ALMS1: variants seen among roughly 807,000 people sequenced by gnomAD.
ALMS1 encodes centrosome-associated protein ALMS1.
In ALMS1, 271 loss-of-function variants were observed where a neutral mutation model predicts 352.2. That is an observed-to-expected ratio of 0.77 (90% CI 0.70 to 0.85). The LOEUF (loss-of-function observed/expected upper bound fraction) is 0.85. Among genes scored for constraint, ALMS1 ranks in the 40% least tolerant of loss-of-function variants. ALMS1 has a pLI of 0.00. For synonymous variants in ALMS1, 1,865 were observed against 1,761.2 expected, an observed-to-expected ratio of 1.06 and a Z score of -1.48; for missense variants, 5,445 against 4,870.7, an observed-to-expected ratio of 1.12 and a Z score of -3.51.
Position 73,450,894 on chromosome 2 carries a change from C to T in ALMS1, c.4367C>T (p.Ser1456Leu), listed in dbSNP as rs1395655276. Residue 1456 changes from serine to leucine, a missense_variant, in exon 8 of 23, where the codon TCA becomes TTA. Ser to Leu is a moderately radical substitution (Grantham distance 145). Transcript: ENST00000613296. Reference sequence around the variant, plus strand: ...CTACCTGAAGAGGCTTTGGAAGTTTCAGTTGCTCCTGGACCAGTTGACCAG... The same window carrying T: ...CTACCTGAAGAGGCTTTGGAAGTTTTAGTTGCTCCTGGACCAGTTGACCAG... ...SHLPEEALEV[S>L]VAPGPVDQTI... is the part of the protein sequence containing the mutation. 6.2e-7 allele frequency: 1 copy of T among 1,614,088 alleles called. No individual in the cohort carries two copies. The highest frequency in any genetic ancestry group is 2.2e-5 in the East Asian group (1 of 44,886).
chr2:73,423,072 C>T lies in ALMS1; in HGVS notation c.764+98C>T, dbSNP rs1671315158. On this transcript the variant is annotated intron_variant, in intron 4 of 22. Transcript: ENST00000613296. ...GCTAAGGTGGGACTTTGAGGTGGGG[C>T]TTAGATACTCTTAGGACACGCCCTG... is the stretch of plus-strand genomic sequence containing the variant. 5 of 1,011,260 alleles carry T rather than the reference C, an allele frequency of 4.9e-6. No individual in the cohort carries two copies. In the South Asian group the frequency reaches 6.4e-5, roughly 13 times the overall value. The allele number at this position is 1,011,260 out of a possible 1,614,324, so 62.6% of individuals were successfully genotyped here.
At chr2:73,494,712 A>T (rs1187479211) in intron 10 of ALMS1, among the ~76,000 whole-genome samples, 1 of 152,234 alleles carries the variant, frequency 6.6e-6, no homozygotes, top group Non-Finnish European at 1.5e-5. Flanking sequence ...GTCACAACAG[A>T]GAGCACATTA....
At chr2:73,538,381 T>G (rs1385072682) in intron 12 of ALMS1, among the ~76,000 whole-genome samples, 1 of 152,160 alleles carries the variant, frequency 6.6e-6, no homozygotes, top group East Asian at 1.9e-4. Context: ...TTACAATCAC[T>G]GTTATTTTAA....
intron 2 of ALMS1, among the ~76,000 whole-genome samples, chr2:73,410,639 A>G (rs1326461540): frequency 6.6e-6 from 1 of 152,204 alleles, no homozygotes; most frequent in African/African-American, 2.4e-5. Flanking sequence ...AGTTAGGGAA[A>G]GGAGGCTGTC....
chr2:73,594,255 T>TCAGA (rs200612940), intron 16 of ALMS1, among the ~76,000 whole-genome samples: 47,012 of 152,022 alleles, frequency 0.31, 9,068 homozygotes, highest in African/African-American at 0.55. Context: ...TGTCTTTGAT[T>TCAGA]GTCATCTTCC....
chr2:73,575,761 C>T (rs537719030), intron 16 of ALMS1, among the ~76,000 whole-genome samples: 2 of 152,148 alleles, frequency 1.3e-5, no homozygotes, highest in South Asian at 2.1e-4. Flanking sequence ...TATTTTCTCC[C>T]ATTTTGTAGG....
intron 7 of ALMS1, among the ~76,000 whole-genome samples, chr2:73,444,576 G>A (rs1671772664): frequency 6.6e-6 from 1 of 152,200 alleles, no homozygotes; most frequent in South Asian, 2.1e-4. Context: ...GTTAGCTCGT[G>A]TATGTGATTT....
intron 15 of ALMS1, among the ~76,000 whole-genome samples, chr2:73,563,722 C>CAAAAAAAAAAAAAAA (rs1170434973): frequency 1.9e-5 from 1 of 52,228 alleles, no homozygotes; most frequent in African/African-American, 1.5e-4. Flanking sequence ...GACTCCATCT[C>CAAAAAAAAAAAAAAA]AAAAAAAAAA....
Position 73,453,979 on chromosome 2 carries a change from A to G in ALMS1, c.7452A>G (p.Lys2484=), listed in dbSNP as rs1286157205. 2.5e-6 allele frequency: 4 copies of G among 1,613,698 alleles called. No individual in the cohort carries two copies. The highest frequency in any genetic ancestry group is 1.7e-5 in the Admixed American group (1 of 59,946). The change falls in exon 8 of 23, where the codon AAA becomes AAG. Residue 2484 remains lysine, a synonymous_variant. Coordinates refer to ENST00000613296, the MANE Select transcript of ALMS1 (RefSeq NM_001378454.1). Reference sequence around the variant, plus strand: ...TAGATTCACTGGCTGCACATGTGAAAAACCTTCTGCAATGTGAATCCTCAC... The same window carrying G: ...TAGATTCACTGGCTGCACATGTGAAGAACCTTCTGCAATGTGAATCCTCAC... ...SSVDSLAAHV[K]NLLQCESSLN...
intron 12 of ALMS1, among the ~76,000 whole-genome samples, chr2:73,540,162 C>G (rs934576389): frequency 3.9e-5 from 6 of 152,234 alleles, no homozygotes; most frequent in Non-Finnish European, 7.3e-5. Flanking sequence ...ATCAGACTAA[C>G]AACTGATCTC....
intron 7 of ALMS1, among the ~76,000 whole-genome samples, chr2:73,444,751 A>C (rs1239088467): frequency 1.3e-5 from 2 of 152,200 alleles, no homozygotes; most frequent in African/African-American, 2.4e-5. Context: ...ATTTACGTCC[A>C]CTGTGGTAAT....
chr2:73,477,155 T>G (rs1471745501), intron 9 of ALMS1, among the ~76,000 whole-genome samples: 2 of 152,168 alleles, frequency 1.3e-5, no homozygotes, highest in Non-Finnish European at 2.9e-5. Context: ...TTTGTTGCCT[T>G]TCTCCTTTGA....
At chr2:73,534,256 G>A (rs569215909) in intron 11 of ALMS1, among the ~76,000 whole-genome samples, 4 of 152,052 alleles carry the variant, frequency 2.6e-5, no homozygotes, top group East Asian at 1.9e-4. Context: ...TAATTTTTAC[G>A]TTTATATATT....
chr2:73,394,713 G>A (rs1670718679), intron 1 of ALMS1, among the ~76,000 whole-genome samples: 1 of 152,072 alleles, frequency 6.6e-6, no homozygotes, highest in Non-Finnish European at 1.5e-5. Flanking sequence ...TAATGATGAG[G>A]ATACATTCTG....
At chr2:73,583,801 T>C (rs1374076111) in intron 16 of ALMS1, among the ~76,000 whole-genome samples, 1 of 152,104 alleles carries the variant, frequency 6.6e-6, no homozygotes, top group Non-Finnish European at 1.5e-5. Flanking sequence ...TATGCGAGAG[T>C]TTATTTCTGG....
At chr2:73,574,494 T>C (rs1421871626) in intron 16 of ALMS1, among the ~76,000 whole-genome samples, 1 of 152,174 alleles carries the variant, frequency 6.6e-6, no homozygotes, top group Non-Finnish European at 1.5e-5. Flanking sequence ...TTTTGACAAC[T>C]TGTGCTAAAA....
chr2:73,431,801 C>T (rs1671503904), intron 6 of ALMS1, among the ~76,000 whole-genome samples: 1 of 152,096 alleles, frequency 6.6e-6, no homozygotes, highest in Admixed American at 6.5e-5. Flanking sequence ...CACCTCTCTA[C>T]CTTAAAAAGA....
chr2:73,606,975 T>C (rs1675830176), intron 21 of ALMS1, among the ~76,000 whole-genome samples: 1 of 152,234 alleles, frequency 6.6e-6, no homozygotes, highest in Admixed American at 6.5e-5. Context: ...TTCTCTAATG[T>C]GTTTCCCGCA....
At chr2:73,563,128 AAAAC>A (rs1019265446) in intron 15 of ALMS1, among the ~76,000 whole-genome samples, 8 of 152,066 alleles carry the variant, frequency 5.3e-5, no homozygotes, top group East Asian at 1.9e-4. Flanking sequence ...ATTATATTAA[AAAAC>A]AAACCCAGTT....
Sources: allele counts gnomAD v4.1 joint callset (sites outside exome capture counted in the v4.1 genomes callset), GRCh38; gene constraint gnomAD v4.1.1; transcripts MANE v1.5; gene names NCBI Gene and HGNC (gene_info 2026-07-23, HGNC 2026-07-21).